The following MUSK variants were observed in gnomAD, a reference collection of about 807,000 sequenced individuals.
MUSK encodes the protein muscle associated receptor tyrosine kinase, also known as muscle, skeletal receptor tyrosine-protein kinase.
A neutral mutation model predicts 88.7 loss-of-function variants in MUSK; 55 were observed. The observed-to-expected ratio is 0.62, with a 90% CI of 0.50 to 0.78. MUSK has a LOEUF of 0.78. Among genes scored for constraint, MUSK ranks in the 30% least tolerant of loss-of-function variants. The probability of loss-of-function intolerance (pLI) is 0.00; values close to 1 mark genes in which losing one functional copy is unlikely to be tolerated. For synonymous variants in MUSK, 387 were observed against 391.9 expected (o/e 0.99, Z 0.15); for missense variants, 1,015 against 1,074.3 (o/e 0.94, Z 0.77).
chr9:110,719,133 T>C (rs2076779863), intron 5 of MUSK, among the ~76,000 whole-genome samples: 2 of 152,022 alleles, frequency 1.3e-5, no homozygotes, highest in South Asian at 2.1e-4. Flanking sequence ...AGTTTACATC[T>C]CACAGGACCT....
chr9:110,786,543 TA>T (rs927338136), intron 13 of MUSK, among the ~76,000 whole-genome samples: 2 of 152,114 alleles, frequency 1.3e-5, no homozygotes, highest in African/African-American at 4.8e-5. Context: ...AGTTCAATAA[TA>T]TTTCCTTTTC....
chr9:110,689,092 A>G (rs994576361), intron 3 of MUSK, among the ~76,000 whole-genome samples: 4 of 134,170 alleles, frequency 3.0e-5, no homozygotes, highest in Non-Finnish European at 6.3e-5. Flanking sequence ...ATATATTTAC[A>G]TTTAAATATA....
intron 6 of MUSK, among the ~76,000 whole-genome samples, chr9:110,740,597 T>TA (rs1253581523): frequency 1.3e-5 from 2 of 152,034 alleles, no homozygotes; most frequent in Non-Finnish European, 2.9e-5. Flanking sequence ...AAATAAAAAC[T>TA]AAAAAACAGA....
At position 110,744,335 on chromosome 9, in the gene MUSK, T is replaced by C. The variant is rs188256981; in HGVS notation, c.754-3306T>C. ...TGGAACTATCTGCAAGACAGGGCCA[T>C]TGAGGCCAGAATACCTTTCAGAGGT... is the stretch of plus-strand genomic sequence containing the variant. On this transcript the variant is annotated intron_variant, in intron 6 of 14. Transcript: ENST00000374448. Among the ~76,000 whole-genome samples, 658 of 152,332 alleles carry C rather than the reference T, an allele frequency of 4.3e-3. 6 individuals carry two copies. Among genetic ancestry groups the C allele is most frequent in the African/African-American group, 0.015 (618 of 41,580 alleles).
intron 3 of MUSK, among the ~76,000 whole-genome samples, chr9:110,688,226 G>T (rs1049651752): frequency 6.6e-6 from 1 of 151,914 alleles, no homozygotes; most frequent in South Asian, 2.1e-4. Flanking sequence ...TTTGATTCCA[G>T]GCTTACTATC....
intron 7 of MUSK, among the ~76,000 whole-genome samples, chr9:110,750,247 C>T (rs745818958): frequency 1.3e-4 from 20 of 152,066 alleles, no homozygotes; most frequent in Non-Finnish European, 2.9e-4. Context: ...CAAAGATACC[C>T]GTGCCAGAGC....
At chr9:110,753,459 AAGAGAG>A (rs1202827710) in intron 7 of MUSK, among the ~76,000 whole-genome samples, 54 of 118,696 alleles carry the variant, frequency 4.5e-4, no homozygotes, top group Non-Finnish European at 7.7e-4. Flanking sequence ...AAAAAAAAAA[AAGAGAG>A]AGAGAGAGAG....
chr9:110,775,703 T>C, intron 9 of MUSK, 85 bp from the exon 10 acceptor site: 1 of 1,310,338 alleles, frequency 7.6e-7, no homozygotes, highest in East Asian at 2.3e-5. Flanking sequence ...GATGATGTCT[T>C]GAAAACACAG....
chr9:110,757,591 ACTGT>A (rs2077343328), intron 7 of MUSK, among the ~76,000 whole-genome samples: 2 of 151,942 alleles, frequency 1.3e-5, no homozygotes, highest in African/African-American at 4.8e-5. Context: ...TATTGTTGTG[ACTGT>A]CTTTTTCTGT....
intron 13 of MUSK, among the ~76,000 whole-genome samples, chr9:110,786,638 T>C (rs2077871770): frequency 6.6e-6 from 1 of 152,148 alleles, no homozygotes; most frequent in Admixed American, 6.5e-5. Flanking sequence ...AATGTATAGA[T>C]ATTAAGTAGA....
At chr9:110,797,579 T>C (rs2078030206) in intron 14 of MUSK, among the ~76,000 whole-genome samples, 1 of 152,194 alleles carries the variant, frequency 6.6e-6, no homozygotes, top group African/African-American at 2.4e-5. Context: ...TAGTAGTATC[T>C]CGAATAGTTT....
intron 5 of MUSK, among the ~76,000 whole-genome samples, chr9:110,707,690 C>A (rs564110429): frequency 2.0e-5 from 3 of 152,184 alleles, no homozygotes; most frequent in East Asian, 3.9e-4. Context: ...GGCACCAATA[C>A]AAAACTGCAA....
At chr9:110,683,830 A>T (rs186927026) in intron 2 of MUSK, among the ~76,000 whole-genome samples, 17 of 152,064 alleles carry the variant, frequency 1.1e-4, no homozygotes, top group Admixed American at 1.0e-3. Context: ...TTGGATTAAT[A>T]TATTTTTTAC....
chr9:110,705,962 T>C (rs2076593278), intron 5 of MUSK: 2 of 371,492 alleles, frequency 5.4e-6, no homozygotes, highest in Non-Finnish European at 1.1e-5. Flanking sequence ...TTATTTCATA[T>C]TTTGGCATAT....
intron 8 of MUSK, among the ~76,000 whole-genome samples, chr9:110,763,420 A>G (rs564154460): frequency 1.3e-5 from 2 of 152,338 alleles, no homozygotes; most frequent in African/African-American, 4.8e-5. Context: ...TAAAATTAAT[A>G]AAAGTGCCAT....
chr9:110,671,134 G>A (rs940251717), intron 1 of MUSK, among the ~76,000 whole-genome samples: 1 of 151,988 alleles, frequency 6.6e-6, no homozygotes, highest in Non-Finnish European at 1.5e-5. Flanking sequence ...ACCACACTCG[G>A]CTAATTTTTA....
At chr9:110,702,917 A>C (rs575256421) in intron 5 of MUSK, among the ~76,000 whole-genome samples, 2 of 151,902 alleles carry the variant, frequency 1.3e-5, no homozygotes, top group East Asian at 1.9e-4. Flanking sequence ...ATAATAAAAA[A>C]CCTACATACA....
intron 4 of MUSK, among the ~76,000 whole-genome samples, chr9:110,695,880 T>C (rs1049066180): frequency 2.6e-5 from 4 of 152,052 alleles, no homozygotes; most frequent in African/African-American, 9.7e-5. Flanking sequence ...ACCCAGGCTT[T>C]AGAACTGACA....
At chr9:110,780,857 A>G (rs2077741835) in intron 11 of MUSK, among the ~76,000 whole-genome samples, 1 of 152,218 alleles carries the variant, frequency 6.6e-6, no homozygotes, top group South Asian at 2.1e-4. Flanking sequence ...ACTCCATGAT[A>G]GGGCTTCATG....
Sources: gnomAD v4.1 joint callset for allele counts (sites outside exome capture counted in the v4.1 genomes callset) on GRCh38, gnomAD v4.1.1 for gene constraint, MANE v1.5 for transcripts, NCBI Gene and HGNC (gene_info 2026-07-23, HGNC 2026-07-21) for gene names.